Variants in CEP192 observed in about 807,000 individuals in gnomAD.
CEP192 encodes the protein centrosomal protein of 192 kDa.
In CEP192, 151 loss-of-function variants were observed where a neutral mutation model predicts 271.8. The observed-to-expected ratio is 0.56, with a 90% CI of 0.49 to 0.64. The LOEUF (loss-of-function observed/expected upper bound fraction) is 0.64. Among genes scored for constraint, CEP192 ranks in the 30% least tolerant of loss-of-function variants. CEP192 has a pLI of 0.00. For missense variants in CEP192, 2,910 were observed against 3,020.5 expected, an observed-to-expected ratio of 0.96 and a Z score of 0.86; for synonymous variants, 995 against 1,076.5, an observed-to-expected ratio of 0.92 and a Z score of 1.48.
chr18:13,079,487 T>A (rs979099399), intron 30 of CEP192, among the ~76,000 whole-genome samples: 2 of 152,210 alleles, frequency 1.3e-5, no homozygotes, highest in African/African-American at 4.8e-5. Flanking sequence ...TGGGGTTGTT[T>A]GTTTTTTTCT....
At chr18:13,110,952 G>A (rs1196988986) in intron 40 of CEP192, among the ~76,000 whole-genome samples, 1 of 152,208 alleles carries the variant, frequency 6.6e-6, no homozygotes, top group Non-Finnish European at 1.5e-5. Context: ...CTTCTAGCCT[G>A]CTGGCAGCTG....
intron 20 of CEP192, 190 bp downstream of exon 20, chr18:13,057,923 T>C (rs2037202780): frequency 5.3e-6 from 2 of 380,346 alleles, no homozygotes; most frequent in South Asian, 1.2e-4. Context: ...AGTTTTGCAT[T>C]TTCCATCATT....
At chr18:13,000,091 C>CTCTCTCTTTTT (rs1555698196) in intron 2 of CEP192, among the ~76,000 whole-genome samples, 30 of 76,746 alleles carry the variant, frequency 3.9e-4, no homozygotes, top group African/African-American at 1.2e-3. Context: ...TGTCTTCTCT[C>CTCTCTCTTTTT]TTTTTTTTTT....
intron 21 of CEP192, 106 bp downstream of exon 21, chr18:13,059,418 C>T: frequency 3.7e-6 from 3 of 810,266 alleles, no homozygotes; most frequent in Non-Finnish European, 6.0e-6. Flanking sequence ...GAAGGTGCCA[C>T]AAAATTAGTT....
rs1402764841 is a variant in CEP192, at chr18:13,008,448, T to C, written c.291-8T>C. On this transcript the variant is annotated splice_polypyrimidine_tract_variant and splice_region_variant and intron_variant, in intron 3 of 44. Coordinates refer to ENST00000506447, the MANE Select transcript of CEP192 (RefSeq NM_032142.4). ...ATTTTATCATTCTTCTGTTTCCTAA[T>C]AAAAAAGTTCTATCTCTAGGAAAAA... The C allele has an allele frequency of 1.3e-6, 2 of 1,518,856 alleles. No individual in the cohort carries two copies. Among genetic ancestry groups the C allele is most frequent in the Non-Finnish European group, 1.8e-6 (2 of 1,126,044 alleles). 94.1% of individuals were successfully genotyped at this position (1,518,856 alleles called of 1,614,324 possible).
chr18:13,017,682 G>C (rs916229009), intron 7 of CEP192, among the ~76,000 whole-genome samples: 5 of 152,028 alleles, frequency 3.3e-5, no homozygotes, highest in African/African-American at 1.2e-4. Context: ...CATTTCACTC[G>C]AATACTTCAG....
intron 30 of CEP192, among the ~76,000 whole-genome samples, chr18:13,085,281 C>T (rs998376134): frequency 2.0e-5 from 3 of 151,850 alleles, no homozygotes; most frequent in Admixed American, 2.0e-4. Flanking sequence ...TTTGTAGATT[C>T]TGGATATCAG....
At chr18:13,061,229 A>G (rs1191607657) in intron 21 of CEP192, among the ~76,000 whole-genome samples, 1 of 152,132 alleles carries the variant, frequency 6.6e-6, no homozygotes, top group Non-Finnish European at 1.5e-5. Context: ...TGGCTGATGC[A>G]GGAGAATTGC....
At chr18:13,112,396 A>G (rs2040246565) in intron 40 of CEP192, among the ~76,000 whole-genome samples, 2 of 152,228 alleles carry the variant, frequency 1.3e-5, no homozygotes, top group Admixed American at 6.5e-5. Context: ...GTGTGATTCT[A>G]TCTATGTGAA....
At chr18:13,106,659 C>T (rs570042412) in intron 40 of CEP192, among the ~76,000 whole-genome samples, 1 of 151,884 alleles carries the variant, frequency 6.6e-6, no homozygotes, top group South Asian at 2.1e-4. Flanking sequence ...CCATACCCCA[C>T]ACAGGTACCA....
intron 7 of CEP192, among the ~76,000 whole-genome samples, chr18:13,018,115 C>T (rs1205719974): frequency 6.6e-6 from 1 of 152,110 alleles, no homozygotes; most frequent in Non-Finnish European, 1.5e-5. Context: ...CTTCTCATTG[C>T]CCTACACCGG....
intron 30 of CEP192, among the ~76,000 whole-genome samples, chr18:13,086,495 C>T (rs35869548): frequency 0.031 from 4,702 of 152,242 alleles, 99 homozygotes; most frequent in Non-Finnish European, 0.052. Flanking sequence ...TGCTTCGGCT[C>T]ACCCTCCATG....
At chr18:13,104,887 T>A (rs2039879631) in intron 39 of CEP192, 97 bp from the exon 40 acceptor site, 1 of 902,384 alleles carries the variant, frequency 1.1e-6, no homozygotes, top group South Asian at 1.4e-5. Flanking sequence ...GCTAAGTGTG[T>A]TGGTGTGTTC....
Position 13,055,855 on chromosome 18 carries a change from A to G in CEP192, c.3265A>G (p.Lys1089Glu). ...PAALEERAME[K>E]LREKVPFQNR... ...CGCATTGGAGGAACGGGCTATGGAA[A>G]AATTGAGAGAAAAAGTTCCATTTCA... Residue 1089 changes from lysine (K) to glutamate (E), a missense_variant, in exon 19 of 45, where the codon AAA becomes GAA. Transcript: ENST00000506447. 6.2e-7 allele frequency: 1 copy of G among 1,613,572 alleles called. No individual in the cohort carries two copies. The highest frequency in any genetic ancestry group is 8.5e-7 in the Non-Finnish European group (1 of 1,179,854).
At chr18:13,085,296 C>T (rs1449683912) in intron 30 of CEP192, among the ~76,000 whole-genome samples, 1 of 152,066 alleles carries the variant, frequency 6.6e-6, no homozygotes, top group Non-Finnish European at 1.5e-5. Context: ...TATCAGCCCT[C>T]AGCCCTCTGT....
intron 1 of CEP192, 41 bp from the exon 2 acceptor site, chr18:12,999,380 A>G (rs998579864): frequency 6.0e-6 from 8 of 1,344,424 alleles, no homozygotes; most frequent in Admixed American, 3.1e-5. Context: ...AAAACATTTT[A>G]TAGTAATATG....
intron 15 of CEP192, among the ~76,000 whole-genome samples, chr18:13,046,924 A>G (rs2036516847): frequency 1.5e-5 from 2 of 133,630 alleles, no homozygotes; most frequent in South Asian, 2.3e-4. Context: ...CTTGATATGT[A>G]TTTTTGCTTG....
At chr18:13,080,122 C>CT (rs946043802) in intron 30 of CEP192, among the ~76,000 whole-genome samples, 1 of 152,024 alleles carries the variant, frequency 6.6e-6, no homozygotes, top group Non-Finnish European at 1.5e-5. Flanking sequence ...AGTGCAGTCT[C>CT]TTTTTTTGGT....
intron 32 of CEP192, among the ~76,000 whole-genome samples, chr18:13,089,158 T>C (rs1251633390): frequency 6.6e-6 from 1 of 152,220 alleles, no homozygotes; most frequent in East Asian, 1.9e-4. Context: ...GAGACAAATT[T>C]CTAGCTGTAA....
Sources: gnomAD v4.1 joint callset for allele counts (sites outside exome capture counted in the v4.1 genomes callset) on GRCh38, gnomAD v4.1.1 for gene constraint, MANE v1.5 for transcripts, NCBI Gene and HGNC (gene_info 2026-07-23, HGNC 2026-07-21) for gene names.